Variants in SHISA6 observed in about 807,000 individuals in gnomAD.
SHISA6 encodes the protein shisa family member 6, also known as protein shisa-6.
Under a neutral mutation model 47.9 loss-of-function variants are expected in SHISA6, and 22 were observed. The ratio of observed to expected loss-of-function variants is 0.46; its 90% CI spans 0.33 to 0.66. The LOEUF (loss-of-function observed/expected upper bound fraction) is 0.66. Among genes scored for constraint, SHISA6 ranks in the 30% least tolerant of loss-of-function variants. The pLI is 0.02. For synonymous variants in SHISA6, 388 were observed against 337.8 expected, an observed-to-expected ratio of 1.15 and a Z score of -1.63; for missense variants, 680 against 764.6, an observed-to-expected ratio of 0.89 and a Z score of 1.30.
At chr17:11,322,059 G>A (rs1175875251) in intron 2 of SHISA6, among the ~76,000 whole-genome samples, 1 of 151,994 alleles carries the variant, frequency 6.6e-6, no homozygotes, top group Non-Finnish European at 1.5e-5. Context: ...TTGCTCTAGG[G>A]ATTATGTCTC....
At chr17:11,452,932 C>CCTCCTCTTCCTCCCT (rs1915443418) in intron 3 of SHISA6, among the ~76,000 whole-genome samples, 1 of 150,000 alleles carries the variant, frequency 6.7e-6, no homozygotes, top group African/African-American at 2.5e-5. Flanking sequence ...CCCTTCTCCC[C>CCTCCTCTTCCTCCCT]CTCCTCTTCC....
chr17:11,555,913 G>C lies in SHISA6; in HGVS notation c.1105+21G>C, dbSNP rs1366695154. On this transcript the variant is annotated intron_variant, in intron 5 of 5. Coordinates refer to ENST00000441885, the MANE Select transcript of SHISA6 (RefSeq NM_207386.4). The stretch of plus-strand genomic sequence containing the variant: ...GCTAAGTAAGTTGAATTTCCCCCAA[G>C]TTGGGGTCTGTCTCTGGGGCTCCAA... 4.6e-6 allele frequency: 7 copies of C among 1,506,002 alleles called. No individual in the cohort carries two copies. In the African/African-American group the frequency reaches 9.8e-5, roughly 21 times the overall value. The allele number at this position is 1,506,002 out of a possible 1,614,324, so 93.3% of individuals were successfully genotyped here. A position where few individuals can be genotyped will look rare whatever the true frequency, so the allele number is the denominator to read the frequency against.
At chr17:11,513,206 A>T (rs532540394) in intron 3 of SHISA6, among the ~76,000 whole-genome samples, 6 of 131,350 alleles carry the variant, frequency 4.6e-5, no homozygotes, top group African/African-American at 1.7e-4. Flanking sequence ...ATGTGTGTAT[A>T]TATGTATGTG....
intron 3 of SHISA6, among the ~76,000 whole-genome samples, chr17:11,415,209 A>C (rs1196333279): frequency 6.6e-6 from 1 of 152,212 alleles, no homozygotes; most frequent in Non-Finnish European, 1.5e-5. Context: ...TATGTGATCT[A>C]ATTTCATCCT....
chr17:11,512,571 A>G (rs1421558984), intron 3 of SHISA6, among the ~76,000 whole-genome samples: 3 of 152,158 alleles, frequency 2.0e-5, no homozygotes, highest in Non-Finnish European at 4.4e-5. Flanking sequence ...TGTCACTTTA[A>G]TTTTTTAATT....
At chr17:11,519,520 G>A (rs2071611332) in intron 3 of SHISA6, among the ~76,000 whole-genome samples, 1 of 152,164 alleles carries the variant, frequency 6.6e-6, no homozygotes, top group African/African-American at 2.4e-5. Flanking sequence ...TTGTTTATTG[G>A]GGACAGAGTT....
chr17:11,540,605 C>T (rs903144058), intron 3 of SHISA6, among the ~76,000 whole-genome samples: 9 of 152,114 alleles, frequency 5.9e-5, no homozygotes, highest in Non-Finnish European at 2.9e-5. Context: ...TTGTTAAAGT[C>T]CCCCCAGAAT....
At chr17:11,283,976 C>T (rs1207490481) in intron 2 of SHISA6, among the ~76,000 whole-genome samples, 1 of 152,106 alleles carries the variant, frequency 6.6e-6, no homozygotes, top group African/African-American at 2.4e-5. Context: ...TTTTAGTTCT[C>T]CTAAGTTTTC....
At chr17:11,396,086 T>C (rs961365611) in intron 3 of SHISA6, among the ~76,000 whole-genome samples, 6 of 152,218 alleles carry the variant, frequency 3.9e-5, no homozygotes, top group Non-Finnish European at 8.8e-5. Flanking sequence ...AGTTTTTTTA[T>C]TAATCAAGAA....
At chr17:11,549,443 G>T (rs867529117) in intron 3 of SHISA6, among the ~76,000 whole-genome samples, 2 of 152,154 alleles carry the variant, frequency 1.3e-5, no homozygotes, top group East Asian at 1.9e-4. Context: ...ATACAACAAA[G>T]ATTTCAATTA....
At chr17:11,270,131 A>T (rs1360751613) in intron 2 of SHISA6, among the ~76,000 whole-genome samples, 2 of 151,906 alleles carry the variant, frequency 1.3e-5, no homozygotes, top group Non-Finnish European at 2.9e-5. Context: ...GTGCATCACC[A>T]CCCCCAGCTA....
At chr17:11,286,197 C>T (rs1374604755) in intron 2 of SHISA6, among the ~76,000 whole-genome samples, 2 of 152,072 alleles carry the variant, frequency 1.3e-5, no homozygotes, top group African/African-American at 4.8e-5. Flanking sequence ...CACCCCTGCC[C>T]ATCTAACATC....
At chr17:11,414,097 T>TTCCTTTCC (rs1273108789) in intron 3 of SHISA6, among the ~76,000 whole-genome samples, 4 of 151,144 alleles carry the variant, frequency 2.6e-5, no homozygotes, top group African/African-American at 9.7e-5. Context: ...CCCCTCCCAT[T>TTCCTTTCC]GCTCCTCCTT....
At chr17:11,370,112 T>C (rs1597480048) in intron 2 of SHISA6, among the ~76,000 whole-genome samples, 2 of 152,338 alleles carry the variant, frequency 1.3e-5, no homozygotes, top group East Asian at 1.9e-4. Context: ...TTTATCTTGA[T>C]GGCAGGGAGT....
intron 3 of SHISA6, among the ~76,000 whole-genome samples, chr17:11,446,444 G>A (rs147712929): frequency 1.3e-5 from 2 of 152,336 alleles, no homozygotes; most frequent in East Asian, 1.9e-4. Flanking sequence ...GCCTCTGGCT[G>A]CCCCTCTTCA....
chr17:11,484,916 C>T (rs1374853330), intron 3 of SHISA6, among the ~76,000 whole-genome samples: 2 of 152,178 alleles, frequency 1.3e-5, no homozygotes, highest in South Asian at 2.1e-4. Context: ...TGCTACAAAA[C>T]ATCACCAAAG....
At chr17:11,516,266 T>C (rs1032747461) in intron 3 of SHISA6, among the ~76,000 whole-genome samples, 1 of 152,110 alleles carries the variant, frequency 6.6e-6, no homozygotes, top group Admixed American at 6.5e-5. Flanking sequence ...TGCCTAACCG[T>C]TGGGGGCAGA....
intron 3 of SHISA6, among the ~76,000 whole-genome samples, chr17:11,541,666 A>G (rs2071834997): frequency 6.6e-6 from 1 of 152,138 alleles, no homozygotes; most frequent in Admixed American, 6.5e-5. Flanking sequence ...CACAGGTATC[A>G]TTCTCCCAGG....
chr17:11,512,909 A>G (rs2071552921), intron 3 of SHISA6, among the ~76,000 whole-genome samples: 1 of 151,990 alleles, frequency 6.6e-6, no homozygotes, highest in Non-Finnish European at 1.5e-5. Flanking sequence ...TTGAACACAG[A>G]TTATTTTCAA....
Sources: allele counts gnomAD v4.1 joint callset (sites outside exome capture counted in the v4.1 genomes callset), GRCh38; gene constraint gnomAD v4.1.1; transcripts MANE v1.5; gene names NCBI Gene and HGNC (gene_info 2026-07-23, HGNC 2026-07-21).